Variants in XKR6 observed in about 807,000 individuals in gnomAD.
XKR6 encodes XK related 6.
XKR6 carries 22 observed loss-of-function variants against 56.7 expected under a neutral mutation model. The observed-to-expected ratio is 0.39, with a 90% CI of 0.28 to 0.55. The LOEUF is 0.55. Ranked by LOEUF, XKR6 falls within the 20% of genes least tolerant of loss-of-function variation. The probability of loss-of-function intolerance (pLI) is 0.66; values close to 1 mark genes in which losing one functional copy is unlikely to be tolerated. For synonymous variants in XKR6, 524 were observed against 387.8 expected (o/e 1.35, Z -4.13); for missense variants, 852 against 889.0 (o/e 0.96, Z 0.53).
intron 1 of XKR6, among the ~76,000 whole-genome samples, chr8:11,130,472 A>G (rs1295616905): frequency 6.6e-6 from 1 of 152,198 alleles, no homozygotes; most frequent in East Asian, 1.9e-4. Context: ...TGTTACACAC[A>G]GACAGTGCAA....
chr8:11,028,029 G>C (rs1180248190), intron 1 of XKR6, among the ~76,000 whole-genome samples: 4 of 151,988 alleles, frequency 2.6e-5, no homozygotes, highest in African/African-American at 9.7e-5. Context: ...TGGGAATTTT[G>C]GCGAATGTAT....
chr8:11,045,487 C>T (rs534430600), intron 1 of XKR6, among the ~76,000 whole-genome samples: 19 of 152,296 alleles, frequency 1.2e-4, no homozygotes, highest in South Asian at 2.1e-4. Context: ...TAGGTTCCTA[C>T]TTCTTAGGGT....
intron 1 of XKR6, among the ~76,000 whole-genome samples, chr8:11,146,747 TAAAG>T (rs1267301786): frequency 6.6e-5 from 10 of 151,358 alleles, no homozygotes; most frequent in South Asian, 4.2e-4. Context: ...GATGAACAAA[TAAAG>T]AAAGTGTGGT....
chr8:10,898,891 C>T lies in XKR6; in HGVS notation c.987G>A (p.Met329Ile), dbSNP rs1289661616. Residue 329 changes from methionine (M) to isoleucine (I), a missense_variant, in exon 3 of 3, where the codon ATG becomes ATA. Physicochemically the swap from Met to Ile is conservative, Grantham distance 10. Around this residue, in one of 4 missense-constraint regions of XKR6, gnomAD observed 199 missense variants for 280.4 expected, o/e 0.71. Coordinates refer to ENST00000416569, the MANE Select transcript of XKR6 (RefSeq NM_173683.4). This position sits in a 1 kb window ranked among gnomAD's most constrained non-coding sequence, Gnocchi z 6.6. ...AGGAGGCTAGCACCCAAGCCAGGGA[C>T]ATCAGGGAAGTCACAGAGGAGACAC... ...LPCVSSVTSL[M>I]SLAWVLASYH... The T allele has an allele frequency of 1.9e-6, 3 of 1,610,378 alleles. No homozygotes were observed. The South Asian group carries it at 3.3e-5, about 18-fold the overall frequency.
At chr8:10,940,859 T>A (rs942270807) in intron 1 of XKR6, among the ~76,000 whole-genome samples, 2 of 152,136 alleles carry the variant, frequency 1.3e-5, no homozygotes, top group African/African-American at 2.4e-5. Flanking sequence ...ACCCACTGAT[T>A]CTTTCCACCA....
chr8:10,959,162 C>G (rs1177718499), intron 1 of XKR6, among the ~76,000 whole-genome samples: 2 of 152,222 alleles, frequency 1.3e-5, no homozygotes, highest in Admixed American at 1.3e-4. Context: ...GCGGCTTTCA[C>G]TGAACAACTT....
intron 1 of XKR6, among the ~76,000 whole-genome samples, chr8:10,929,589 T>G (rs1267014085): frequency 6.6e-6 from 1 of 152,228 alleles, no homozygotes; most frequent in Non-Finnish European, 1.5e-5. Context: ...CTGGGCTCCC[T>G]TCCAGCTCTG....
At chr8:11,071,117 C>A (rs1039177650) in intron 1 of XKR6, among the ~76,000 whole-genome samples, 3 of 152,208 alleles carry the variant, frequency 2.0e-5, no homozygotes, top group Non-Finnish European at 2.9e-5. Flanking sequence ...ATACTCATAT[C>A]ACATTCTCAA....
chr8:11,085,490 G>A (rs182009328), intron 1 of XKR6, among the ~76,000 whole-genome samples: 1 of 152,266 alleles, frequency 6.6e-6, no homozygotes, highest in East Asian at 1.9e-4. Flanking sequence ...GTGCATGTCT[G>A]TGCTTGTGCA....
chr8:11,012,460 A>T (rs1798522264), intron 1 of XKR6, among the ~76,000 whole-genome samples: 1 of 152,228 alleles, frequency 6.6e-6, no homozygotes, highest in Admixed American at 6.5e-5. Flanking sequence ...AACTGTTAGT[A>T]TCTATCATTG....
chr8:11,061,196 G>A (rs1799824681), intron 1 of XKR6, among the ~76,000 whole-genome samples: 1 of 152,200 alleles, frequency 6.6e-6, no homozygotes, highest in Non-Finnish European at 1.5e-5. Flanking sequence ...GGGTGTGGTG[G>A]CTCACACCTG....
At chr8:11,199,845 G>C (rs958583768) in intron 1 of XKR6, among the ~76,000 whole-genome samples, 1 of 152,104 alleles carries the variant, frequency 6.6e-6, no homozygotes, top group Non-Finnish European at 1.5e-5. Flanking sequence ...CGTTTCCCCA[G>C]AATAGGTATC....
intron 1 of XKR6, among the ~76,000 whole-genome samples, chr8:11,054,409 C>T (rs778684997): frequency 2.6e-4 from 40 of 152,176 alleles, no homozygotes; most frequent in Admixed American, 2.3e-3. Context: ...GTCCATGTAC[C>T]GGTGTTCAAG....
rs28653105 is a variant in XKR6 at position 11,190,983 on chromosome 8, C to T, written c.764+9593G>A. Among the ~76,000 whole-genome samples, 1,324 of 152,282 alleles carry T rather than the reference C, an allele frequency of 8.7e-3. 17 individuals carry two copies. The highest frequency in any genetic ancestry group is 0.028 in the African/African-American group (1,172 of 41,538). On this transcript the variant is annotated intron_variant, in intron 1 of 2. Transcript: ENST00000416569. ...CCACTCTCCTTGGATTTTTGTCATACATTCTAACACACTAGCAGGGCTCAC... is the reference window on the plus strand; with the variant it reads ...CCACTCTCCTTGGATTTTTGTCATATATTCTAACACACTAGCAGGGCTCAC...
At chr8:11,199,814 T>C (rs1804101302) in intron 1 of XKR6, among the ~76,000 whole-genome samples, 1 of 152,182 alleles carries the variant, frequency 6.6e-6, no homozygotes, top group Admixed American at 6.5e-5. Context: ...ACTTACACAC[T>C]GGCCTGGCTA....
At chr8:10,987,938 G>C (rs1273482944) in intron 1 of XKR6, among the ~76,000 whole-genome samples, 1 of 152,202 alleles carries the variant, frequency 6.6e-6, no homozygotes, top group Non-Finnish European at 1.5e-5. Flanking sequence ...CTTTACTCAA[G>C]AACCACTTTT....
intron 2 of XKR6, among the ~76,000 whole-genome samples, chr8:10,910,638 T>C (rs771595036): frequency 6.6e-6 from 1 of 152,130 alleles, no homozygotes; most frequent in Non-Finnish European, 1.5e-5. Flanking sequence ...ACTCTGGGAA[T>C]ATGGTGGACA....
intron 1 of XKR6, among the ~76,000 whole-genome samples, chr8:11,106,860 A>AT (rs977313708): frequency 3.3e-5 from 5 of 149,312 alleles, no homozygotes; most frequent in Non-Finnish European, 7.4e-5. Flanking sequence ...CAAAAAAAAA[A>AT]AAAAATAAAA....
intron 1 of XKR6, among the ~76,000 whole-genome samples, chr8:11,151,923 A>G (rs1014908533): frequency 4.6e-5 from 7 of 152,270 alleles, no homozygotes; most frequent in Admixed American, 2.6e-4. Flanking sequence ...GTTGGGAAGG[A>G]AAAAAACAAG....
Sources: gnomAD v4.1 joint callset for allele counts (sites outside exome capture counted in the v4.1 genomes callset) on GRCh38, gnomAD v4.1.1 for gene constraint, gnomAD v4.1.1 regional missense constraint, Gnocchi (gnomAD v3.1) non-coding constraint, MANE v1.5 for transcripts, NCBI Gene and HGNC (gene_info 2026-07-23, HGNC 2026-07-21) for gene names.